UNC13C: variants seen among roughly 807,000 people sequenced by gnomAD.
The protein encoded by UNC13C is unc-13 homolog C.
In UNC13C, 174 loss-of-function variants were observed where a neutral mutation model predicts 245.4. The ratio of observed to expected loss-of-function variants is 0.71; its 90% CI spans 0.63 to 0.80. The LOEUF is 0.80. Among genes scored for constraint, UNC13C ranks in the 30% least tolerant of loss-of-function variants. UNC13C has a pLI of 0.00. For synonymous variants in UNC13C, 992 were observed against 895.1 expected (o/e 1.11, Z -1.93); for missense variants, 2,829 against 2,602.9 (o/e 1.09, Z -1.89).
At chr15:54,534,840 C>A (rs1895920233) in intron 26 of UNC13C, among the ~76,000 whole-genome samples, 1 of 152,138 alleles carries the variant, frequency 6.6e-6, no homozygotes, top group Non-Finnish European at 1.5e-5. Context: ...AAATTATATC[C>A]TTTTCAGACA....
chr15:54,042,859 GAAAAAGA>G (rs1023786309), intron 2 of UNC13C, among the ~76,000 whole-genome samples: 1 of 53,808 alleles, frequency 1.9e-5, no homozygotes, highest in South Asian at 6.3e-4. Flanking sequence ...TCTCAGAAAA[GAAAAAGA>G]AAAAGAAAAA....
intron 2 of UNC13C, among the ~76,000 whole-genome samples, chr15:54,110,658 T>G (rs1325475636): frequency 6.6e-6 from 1 of 152,236 alleles, no homozygotes; most frequent in Non-Finnish European, 1.5e-5. Flanking sequence ...TTGAGAAAAT[T>G]AATTATTAGT....
intron 4 of UNC13C, among the ~76,000 whole-genome samples, chr15:54,157,663 GCATAGCTGTAAAA>G (rs1484576322): frequency 6.6e-6 from 1 of 152,150 alleles, no homozygotes; most frequent in Non-Finnish European, 1.5e-5. Flanking sequence ...GAGAAGATCA[GCATAGCTGTAAAA>G]CATGTATAGT....
chr15:54,629,457 A>T (rs1297041877), downstream of UNC13C: 1 of 152,222 alleles, frequency 6.6e-6, no homozygotes. Flanking sequence ...AAAAGTTCAG[A>T]TGTTAAAATT....
chr15:54,542,059 G>A lies in UNC13C; in HGVS notation c.5697-4663G>A, dbSNP rs1896270881. On this transcript the variant is annotated intron_variant, in intron 26 of 32. Transcript: ENST00000260323. ...CTGCTGTAACATGGGTGAAAAATAT[G>A]GGTTCCGTTGTCCTTTTCTCAACTG... is the stretch of plus-strand genomic sequence containing the variant. Among the ~76,000 whole-genome samples the A allele has an allele frequency of 2.0e-5, 3 of 151,998 alleles. 1 individual carries two copies. Among genetic ancestry groups the A allele is most frequent in the South Asian group, 4.1e-4 (2 of 4,824 alleles).
intron 8 of UNC13C, among the ~76,000 whole-genome samples, chr15:54,252,627 G>A (rs959772779): frequency 6.6e-6 from 1 of 152,096 alleles, no homozygotes; most frequent in Non-Finnish European, 1.5e-5. Flanking sequence ...ATTACCTTAA[G>A]AAATTGATCT....
chr15:54,250,398 A>G lies in UNC13C; in HGVS notation c.3402A>G (p.Lys1134=). ...TGAAGTGTCTGGAGTGTGGAGTGAA[A>G]TGCCACGAAAAGTGTCAGGACCTGC... ...QGMKCLECGV[K]CHEKCQDLLN... is the part of the protein sequence containing the mutation. The change falls in exon 8 of 33, where the codon AAA becomes AAG. Residue 1134 remains lysine (K), a synonymous_variant. Coordinates refer to ENST00000260323, the MANE Select transcript of UNC13C (RefSeq NM_001080534.3). The G allele has an allele frequency of 6.2e-7, 1 of 1,613,578 alleles. No homozygotes were observed. The highest frequency in any genetic ancestry group is 8.5e-7 in the Non-Finnish European group (1 of 1,179,704).
intron 19 of UNC13C, among the ~76,000 whole-genome samples, chr15:54,448,871 G>A (rs563791172): frequency 7.4e-4 from 112 of 152,260 alleles, no homozygotes; most frequent in African/African-American, 2.5e-3. Flanking sequence ...TCCTAGCCTC[G>A]ATGGTCTTTA....
rs942339258 is a variant in UNC13C, at chr15:54,060,926, A to C, written c.2983+45040A>C. On this transcript the variant is annotated intron_variant, in intron 2 of 32. Transcript: ENST00000260323. ...GGTGGGAATTGATCAAAGAGAACAC[A>C]TGGACACAGGAAGGGGAACATCACA... Among the ~76,000 whole-genome samples, 4 of 152,124 alleles carry C rather than the reference A, an allele frequency of 2.6e-5. No individual in the cohort carries two copies. In the East Asian group the frequency reaches 7.8e-4, roughly 30 times the overall value.
upstream of UNC13C, among the ~76,000 whole-genome samples, chr15:53,975,967 C>T (rs1373802659): frequency 4.6e-5 from 7 of 152,074 alleles, no homozygotes; most frequent in African/African-American, 9.7e-5. Flanking sequence ...TGAAAAGCTC[C>T]GTAGAAACAG....
At chr15:54,460,275 C>T (rs995790709) in intron 19 of UNC13C, among the ~76,000 whole-genome samples, 4 of 152,218 alleles carry the variant, frequency 2.6e-5, no homozygotes, top group Non-Finnish European at 5.9e-5. Flanking sequence ...TGGATACCAG[C>T]ACCTGCTCCA....
At chr15:54,391,416 A>G (rs1177340588) in intron 17 of UNC13C, among the ~76,000 whole-genome samples, 1 of 152,082 alleles carries the variant, frequency 6.6e-6, no homozygotes, top group Non-Finnish European at 1.5e-5. Flanking sequence ...TCTGTTTACA[A>G]AATAAAAATA....
intron 2 of UNC13C, among the ~76,000 whole-genome samples, chr15:54,121,038 A>T (rs2030629741): frequency 6.6e-6 from 1 of 152,116 alleles, no homozygotes; most frequent in Non-Finnish European, 1.5e-5. Flanking sequence ...TTACTACGTA[A>T]ATTTAGTTGA....
chr15:54,078,164 A>G (rs34866174), intron 2 of UNC13C, among the ~76,000 whole-genome samples: 30,161 of 152,166 alleles, frequency 0.2, 3,135 homozygotes, highest in Admixed American at 0.29. Context: ...GCTGGAGGCT[A>G]TACATGTGGT....
chr15:54,507,620 T>G (rs1894531671), intron 23 of UNC13C, among the ~76,000 whole-genome samples: 1 of 152,130 alleles, frequency 6.6e-6, no homozygotes, highest in Admixed American at 6.5e-5. Context: ...GGAACAATGC[T>G]GATTTCTATT....
intron 2 of UNC13C, among the ~76,000 whole-genome samples, chr15:54,030,185 C>T (rs769251283): frequency 6.6e-6 from 1 of 152,136 alleles, no homozygotes; most frequent in Non-Finnish European, 1.5e-5. Context: ...AAACTACCCA[C>T]CCCCATGTCC....
chr15:53,946,673 GTTTT>G, the UNC13C span, among the ~76,000 whole-genome samples: 2 of 99,280 alleles, frequency 2.0e-5, no homozygotes, highest in African/African-American at 8.0e-5. Context: ...GTGAGCTGAG[GTTTT>G]TTTTTTTTTT....
chr15:53,861,617 A>G, the UNC13C span, among the ~76,000 whole-genome samples: 2 of 152,146 alleles, frequency 1.3e-5, no homozygotes, highest in Non-Finnish European at 2.9e-5. Context: ...ATTGCTGCCT[A>G]TAGAGGTGCA....
chr15:54,391,128 T>G (rs1320640962), intron 17 of UNC13C, among the ~76,000 whole-genome samples: 2 of 152,128 alleles, frequency 1.3e-5, no homozygotes, highest in Non-Finnish European at 2.9e-5. Context: ...TTTGCAAAAA[T>G]GATAAGTGGC....
Sources: allele counts gnomAD v4.1 joint callset (sites outside exome capture counted in the v4.1 genomes callset), GRCh38; gene constraint gnomAD v4.1.1; transcripts MANE v1.5; gene names NCBI Gene and HGNC (gene_info 2026-07-23, HGNC 2026-07-21).